Variants in PIK3C2G observed in about 807,000 individuals in gnomAD.
PIK3C2G encodes the protein phosphatidylinositol-4-phosphate 3-kinase catalytic subunit type 2 gamma, also known as phosphatidylinositol 3-kinase C2 domain-containing subunit gamma.
Under a neutral mutation model 181.1 loss-of-function variants are expected in PIK3C2G, and 168 were observed. The ratio of observed to expected loss-of-function variants is 0.93; its 90% confidence interval spans 0.82 to 1.05. The LOEUF is 1.05. PIK3C2G is among the 50% of genes least tolerant of loss of function. The pLI is 0.00. For missense variants in PIK3C2G, 1,869 were observed against 1,732.8 expected (o/e 1.08, Z -1.40); for synonymous variants, 573 against 592.2 (o/e 0.97, Z 0.47).
chr12:18,516,202 T>G (rs1241524258), intron 24 of PIK3C2G, among the ~76,000 whole-genome samples: 2 of 151,994 alleles, frequency 1.3e-5, no homozygotes, highest in African/African-American at 2.4e-5. Flanking sequence ...TAGAAAAGTC[T>G]TTGTCTCTCC....
chr12:18,636,878 C>G (rs1360387696), intron 31 of PIK3C2G, among the ~76,000 whole-genome samples: 2 of 152,184 alleles, frequency 1.3e-5, no homozygotes, highest in African/African-American at 4.8e-5. Context: ...CCCACTTCAC[C>G]TTTTTCACCG....
intron 5 of PIK3C2G, among the ~76,000 whole-genome samples, chr12:18,295,189 TCA>T (rs1949885670): frequency 6.6e-6 from 1 of 151,514 alleles, no homozygotes; most frequent in Non-Finnish European, 1.5e-5. Context: ...TGCACTAAGC[TCA>T]CAGATATTCC....
chr12:18,421,482 G>A (rs1197369845), intron 17 of PIK3C2G, among the ~76,000 whole-genome samples: 3 of 151,786 alleles, frequency 2.0e-5, no homozygotes, highest in African/African-American at 7.3e-5. Flanking sequence ...CCACCAAATA[G>A]TACATTTTAG....
intron 18 of PIK3C2G, 143 bp downstream of exon 18, chr12:18,424,182 C>A (rs1945655506): frequency 3.6e-6 from 2 of 559,162 alleles, no homozygotes; most frequent in Non-Finnish European, 6.5e-6. Flanking sequence ...TTGTCAATGT[C>A]ATTTTTATTT....
chr12:18,330,162 C>A (rs762090776), intron 8 of PIK3C2G, among the ~76,000 whole-genome samples: 1 of 151,954 alleles, frequency 6.6e-6, no homozygotes, highest in Non-Finnish European at 1.5e-5. Flanking sequence ...AGTCACTTTT[C>A]TTAAAGTTTA....
intron 24 of PIK3C2G, among the ~76,000 whole-genome samples, chr12:18,510,524 A>C (rs1338704307): frequency 1.3e-5 from 2 of 152,142 alleles, no homozygotes; most frequent in Non-Finnish European, 2.9e-5. Context: ...TCTTTATTTC[A>C]TACTTTTATT....
In PIK3C2G at chr12:18,430,604, C is replaced by T. The variant is rs1403526889; in HGVS notation, c.2504+6565C>T. On this transcript the variant is annotated intron_variant, in intron 18 of 32. Coordinates refer to ENST00000538779, the MANE Select transcript of PIK3C2G (RefSeq NM_001288772.2). ...CTGGACTCAGCTGTGCACATGCAGA[C>T]TTATGTCGATAGGGGGTGGAGGAGA... is the stretch of plus-strand genomic sequence containing the variant. 2.6e-5 allele frequency among the ~76,000 whole-genome samples: 4 copies of T among 152,104 alleles called. No homozygotes were observed. The East Asian group carries it at 5.8e-4, about 22-fold the overall frequency.
At chr12:18,683,082 T>G in the PIK3C2G span, 5 of 693,896 alleles carry the variant, frequency 7.2e-6, no homozygotes, top group Admixed American at 2.8e-5. Flanking sequence ...TTTCTTCCAC[T>G]GATTTATTTT....
At chr12:18,461,157 T>C (rs904346544) in intron 18 of PIK3C2G, among the ~76,000 whole-genome samples, 11 of 152,186 alleles carry the variant, frequency 7.2e-5, no homozygotes, top group African/African-American at 2.4e-4. Context: ...TACCTCACTT[T>C]ATTTAAAAAA....
chr12:18,574,954 A>G (rs1445442409), intron 29 of PIK3C2G, among the ~76,000 whole-genome samples: 2 of 152,276 alleles, frequency 1.3e-5, no homozygotes, highest in South Asian at 2.1e-4. Context: ...ATCAATGCAT[A>G]TATACAAAAT....
At chr12:18,443,955 A>G (rs946042034) in intron 18 of PIK3C2G, among the ~76,000 whole-genome samples, 5 of 152,012 alleles carry the variant, frequency 3.3e-5, no homozygotes, top group Admixed American at 3.3e-4. Context: ...AAAGCATTAT[A>G]TAACTATGCA....
chr12:18,260,595 A>T (rs1948207386), upstream of PIK3C2G, among the ~76,000 whole-genome samples: 1 of 152,056 alleles, frequency 6.6e-6, no homozygotes, highest in Non-Finnish European at 1.5e-5. Context: ...CCTGAAAGTG[A>T]TATAATTCTC....
chr12:18,329,511 T>A (rs1385290201), intron 8 of PIK3C2G, among the ~76,000 whole-genome samples: 2 of 151,996 alleles, frequency 1.3e-5, no homozygotes, highest in Non-Finnish European at 2.9e-5. Context: ...AAGGTCTCCA[T>A]GAATGGAATC....
At chr12:18,314,598 C>G (rs1950782704) in intron 6 of PIK3C2G, 1 of 152,248 alleles carries the variant, frequency 6.6e-6, no homozygotes, top group African/African-American at 2.4e-5. Context: ...AACTTTGCAG[C>G]CTATAGAACG....
Position 18,286,906 on chromosome 12 carries a change from C to T in PIK3C2G, c.738C>T (p.Ala246=), listed in dbSNP as rs1250981512. ...EVPQSSNTSL[A]SFCNKVKKIR... Reference sequence around the variant, plus strand: ...CTCAAAGCAGCAATACGAGTCTGGCCTCTTTTTGCAACAAAGTAAAAAAGT... The same window carrying T: ...CTCAAAGCAGCAATACGAGTCTGGCTTCTTTTTGCAACAAAGTAAAAAAGT... Residue 246 remains alanine, a synonymous_variant, in exon 3 of 33, where the codon GCC becomes GCT. Coordinates refer to ENST00000538779, the MANE Select transcript of PIK3C2G (RefSeq NM_001288772.2). 2 of 1,568,446 alleles carry T rather than the reference C, an allele frequency of 1.3e-6. No homozygotes were observed. The highest frequency in any genetic ancestry group is 1.9e-5 in the Admixed American group (1 of 53,928).
intron 5 of PIK3C2G, among the ~76,000 whole-genome samples, chr12:18,312,189 G>A (rs957307339): frequency 1.3e-5 from 2 of 152,078 alleles, no homozygotes; most frequent in Admixed American, 1.3e-4. Flanking sequence ...ACAATGCTTT[G>A]CATCCTCCGA....
intron 31 of PIK3C2G, among the ~76,000 whole-genome samples, chr12:18,613,936 G>C (rs1035756950): frequency 6.6e-6 from 1 of 152,060 alleles, no homozygotes; most frequent in Non-Finnish European, 1.5e-5. Flanking sequence ...TGAAAATAAA[G>C]CACAGACAAT....
intron 9 of PIK3C2G, among the ~76,000 whole-genome samples, chr12:18,339,935 T>G (rs11829989): frequency 0.022 from 3,409 of 152,128 alleles, 147 homozygotes; most frequent in African/African-American, 0.079. Flanking sequence ...AAACAATAAA[T>G]CCAGAAATTA....
the PIK3C2G span, among the ~76,000 whole-genome samples, chr12:18,698,676 A>G: frequency 2.0e-5 from 3 of 152,152 alleles, no homozygotes; most frequent in Non-Finnish European, 4.4e-5. Context: ...AAATATATTT[A>G]TGGAGTACAC....
Sources: allele counts gnomAD v4.1 joint callset (sites outside exome capture counted in the v4.1 genomes callset), GRCh38; gene constraint gnomAD v4.1.1; transcripts MANE v1.5; gene names NCBI Gene and HGNC (gene_info 2026-07-23, HGNC 2026-07-21).